The following GNAQ variants were observed in gnomAD, a reference collection of about 807,000 sequenced individuals.
GNAQ encodes the protein guanine nucleotide-binding protein G(q) subunit alpha.
Under a neutral mutation model 43.9 loss-of-function variants are expected in GNAQ, and 8 were observed. That is an observed-to-expected ratio of 0.18 (90% CI 0.11 to 0.33). The LOEUF (loss-of-function observed/expected upper bound fraction) is 0.33, where lower values mean the gene tolerates loss of function less well. Ranked by LOEUF, GNAQ falls within the 10% of genes least tolerant of loss-of-function variation. The pLI is 1.00. For missense variants in GNAQ, 158 were observed against 450.8 expected, an observed-to-expected ratio of 0.35 and a Z score of 5.88; for synonymous variants, 155 against 170.7, an observed-to-expected ratio of 0.91 and a Z score of 0.71.
chr9:77,988,635 A>G (rs1823471911), intron 1 of GNAQ, among the ~76,000 whole-genome samples: 1 of 152,206 alleles, frequency 6.6e-6, no homozygotes, highest in Non-Finnish European at 1.5e-5. Context: ...TTAACATACT[A>G]CCTGTGAAGC....
In GNAQ at chr9:78,005,396, T is replaced by C. The variant is rs565390305; in HGVS notation, c.136+25704A>G. Among the ~76,000 whole-genome samples the C allele has an allele frequency of 2.6e-5, 4 of 152,212 alleles. No individual in the cohort carries two copies. In the East Asian group the frequency reaches 7.7e-4, roughly 29 times the overall value. On this transcript the variant is annotated intron_variant, in intron 1 of 6. Coordinates refer to ENST00000286548, the MANE Select transcript of GNAQ (RefSeq NM_002072.5). The stretch of plus-strand genomic sequence containing the variant: ...AGTAACCAGAGAGCAATGTGAAAAA[T>C]GTAGGAAGGGTGGGGAATTAGTGTC...
intron 5 of GNAQ, among the ~76,000 whole-genome samples, chr9:77,759,621 T>G (rs772312661): frequency 6.6e-6 from 1 of 152,176 alleles, no homozygotes; most frequent in Non-Finnish European, 1.5e-5. Flanking sequence ...GACTGACTTA[T>G]GCTCTCCTCC....
chr9:77,872,516 T>C (rs1382600792), intron 2 of GNAQ, among the ~76,000 whole-genome samples: 1 of 152,196 alleles, frequency 6.6e-6, no homozygotes, highest in Non-Finnish European at 1.5e-5. Context: ...AGCTCTACTG[T>C]ATAAAAAACT....
intron 6 of GNAQ, among the ~76,000 whole-genome samples, chr9:77,724,186 A>C (rs187606550): frequency 6.6e-6 from 1 of 152,050 alleles, no homozygotes. Context: ...ATACCAAGCA[A>C]TAAGAAACTT....
chr9:77,937,128 C>T (rs1033888333), intron 1 of GNAQ, among the ~76,000 whole-genome samples: 5 of 151,920 alleles, frequency 3.3e-5, no homozygotes, highest in Non-Finnish European at 5.9e-5. Context: ...ACATATATAC[C>T]CTACAACTCA....
chr9:78,021,436 C>T (rs1371010516), intron 1 of GNAQ, among the ~76,000 whole-genome samples: 1 of 152,214 alleles, frequency 6.6e-6, no homozygotes, highest in African/African-American at 2.4e-5. Context: ...TCTTTTACTT[C>T]TTTGTATGCA....
At chr9:77,747,028 T>C (rs1482400080) in intron 5 of GNAQ, among the ~76,000 whole-genome samples, 1 of 152,104 alleles carries the variant, frequency 6.6e-6, no homozygotes, top group Admixed American at 6.5e-5. Flanking sequence ...ATATACTGGT[T>C]CAGGTGTAAA....
chr9:77,779,682 A>AAAAAAAAAAAAAAAAAAAAAAAAAAAC (rs1826359956), intron 5 of GNAQ, among the ~76,000 whole-genome samples: 1 of 7,376 alleles, frequency 1.4e-4, no homozygotes, highest in Non-Finnish European at 2.6e-4. Flanking sequence ...AAACAAAACA[A>AAAAAAAAAAAAAAAAAAAAAAAAAAAC]AAAAAAAAAA....
At chr9:77,915,107 A>G (rs550473839) in intron 2 of GNAQ, among the ~76,000 whole-genome samples, 1 of 152,352 alleles carries the variant, frequency 6.6e-6, no homozygotes, top group Non-Finnish European at 1.5e-5. Context: ...AGTGTTGAGA[A>G]GAATTTTAGA....
At chr9:77,850,637 T>C (rs1487434806) in intron 2 of GNAQ, among the ~76,000 whole-genome samples, 5 of 152,154 alleles carry the variant, frequency 3.3e-5, no homozygotes, top group Admixed American at 3.3e-4. Context: ...CCTAGCCTCC[T>C]CACCTCCCAC....
chr9:77,876,508 CTTA>C (rs1265311235), intron 2 of GNAQ, among the ~76,000 whole-genome samples: 1 of 152,186 alleles, frequency 6.6e-6, no homozygotes, highest in Non-Finnish European at 1.5e-5. Context: ...ATAACAGGGA[CTTA>C]TTATAATTGT....
intron 5 of GNAQ, among the ~76,000 whole-genome samples, chr9:77,776,277 T>C (rs1479833211): frequency 6.6e-6 from 1 of 152,076 alleles, no homozygotes; most frequent in Non-Finnish European, 1.5e-5. Context: ...AATACGTTAG[T>C]CAATAGACAG....
chr9:77,990,883 A>G (rs1587449364), intron 1 of GNAQ, among the ~76,000 whole-genome samples: 1 of 152,204 alleles, frequency 6.6e-6, no homozygotes, highest in African/African-American at 2.4e-5. Flanking sequence ...CACATGACCT[A>G]AGAATGCTTT....
At position 77,844,283 on chromosome 9, in the gene GNAQ, C is replaced by T. The variant is rs537014578; in HGVS notation, c.322-28513G>A. On this transcript the variant is annotated intron_variant, in intron 2 of 6. Transcript: ENST00000286548. ...ACTCCTGGGCAAGAGGACAAGACCA[C>T]GTCAAATTGAAAGAGGCCATGAAGG... Among the ~76,000 whole-genome samples, 27 of 152,276 alleles carry T rather than the reference C, an allele frequency of 1.8e-4. No individual in the cohort carries two copies. The South Asian group carries it at 4.1e-3, about 23-fold the overall frequency.
At chr9:77,795,968 G>C (rs972003395) in intron 4 of GNAQ, among the ~76,000 whole-genome samples, 15 of 152,170 alleles carry the variant, frequency 9.9e-5, no homozygotes, top group African/African-American at 3.4e-4. Context: ...AAGCAATAAG[G>C]AGATGAAAAT....
chr9:77,928,697 T>TA (rs1829103084), intron 1 of GNAQ, among the ~76,000 whole-genome samples: 2 of 152,160 alleles, frequency 1.3e-5, no homozygotes, highest in African/African-American at 4.8e-5. Flanking sequence ...CTGAATATAC[T>TA]AAAAAACATA....
intron 1 of GNAQ, among the ~76,000 whole-genome samples, chr9:77,945,060 C>T (rs928944408): frequency 1.3e-5 from 2 of 152,118 alleles, no homozygotes; most frequent in African/African-American, 4.8e-5. Flanking sequence ...AGTGCAACTT[C>T]CTTATTTGTT....
At position 78,030,581 on chromosome 9, in the gene GNAQ, G is replaced by A. The variant is rs1446789537; in HGVS notation, c.136+519C>T. On this transcript the variant is annotated intron_variant, in intron 1 of 6. Coordinates refer to ENST00000286548, the MANE Select transcript of GNAQ (RefSeq NM_002072.5). ...TCCCCCATTCCCTCCTGACCCCATA[G>A]GGCACTGATAATGGATGCACACCGG... 6.4e-6 allele frequency: 3 copies of A among 469,242 alleles called. No homozygotes were observed. In the East Asian group the frequency reaches 2.1e-4, roughly 33 times the overall value. 29.1% of individuals were successfully genotyped at this position (469,242 alleles called of 1,614,324 possible). A position where few individuals can be genotyped will look rare whatever the true frequency, so the allele number is the denominator to read the frequency against.
chr9:77,791,880 C>A (rs1277190357), intron 5 of GNAQ, among the ~76,000 whole-genome samples: 7 of 152,036 alleles, frequency 4.6e-5, no homozygotes, highest in Admixed American at 4.6e-4. Flanking sequence ...ACTTCTAAAC[C>A]AAGAACAAAA....
Sources: allele counts gnomAD v4.1 joint callset (sites outside exome capture counted in the v4.1 genomes callset), GRCh38; gene constraint gnomAD v4.1.1; transcripts MANE v1.5; gene names NCBI Gene and HGNC (gene_info 2026-07-23, HGNC 2026-07-21).